The following CCDC148 variants were observed in gnomAD, a reference collection of about 807,000 sequenced individuals.
CCDC148 encodes the protein coiled-coil domain-containing protein 148.
In CCDC148, 89 loss-of-function variants were observed where a neutral mutation model predicts 85.7. That is an observed-to-expected ratio of 1.04 (90% CI 0.87 to 1.24). The LOEUF is 1.24. Ranked by LOEUF, CCDC148 falls within the 50% of genes most tolerant of loss-of-function variation. The probability of loss-of-function intolerance (pLI) is 0.00; values close to 1 mark genes in which losing one functional copy is unlikely to be tolerated. For synonymous variants in CCDC148, 230 were observed against 213.9 expected, an observed-to-expected ratio of 1.08 and a Z score of -0.66; for missense variants, 692 against 671.7, an observed-to-expected ratio of 1.03 and a Z score of -0.33.
intron 1 of CCDC148, among the ~76,000 whole-genome samples, chr2:158,435,021 G>A (rs929032857): frequency 6.6e-5 from 10 of 152,156 alleles, no homozygotes; most frequent in East Asian, 1.9e-4. Flanking sequence ...TGAAAGTGAC[G>A]GGGAGAATGG....
At chr2:158,209,940 G>T (rs962161743) in intron 11 of CCDC148, among the ~76,000 whole-genome samples, 3 of 137,026 alleles carry the variant, frequency 2.2e-5, no homozygotes, top group African/African-American at 6.1e-5. Flanking sequence ...CATAATGACA[G>T]GATCAAATTC....
intron 10 of CCDC148, among the ~76,000 whole-genome samples, chr2:158,234,766 C>T (rs1039603265): frequency 1.3e-5 from 2 of 152,014 alleles, no homozygotes; most frequent in Admixed American, 6.6e-5. Flanking sequence ...AGAAAAAAAT[C>T]TTGTTAAAAA....
chr2:158,229,573 C>T (rs1229523941), intron 10 of CCDC148, among the ~76,000 whole-genome samples: 6 of 152,174 alleles, frequency 3.9e-5, no homozygotes, highest in African/African-American at 1.4e-4. Context: ...AGCTCCATAC[C>T]TGCTGCTATT....
At chr2:158,252,952 C>A (rs1296301809) in intron 9 of CCDC148, among the ~76,000 whole-genome samples, 1 of 151,728 alleles carries the variant, frequency 6.6e-6, no homozygotes, top group African/African-American at 2.4e-5. Context: ...TCACATCAAA[C>A]CCTGTGCACC....
intron 9 of CCDC148, among the ~76,000 whole-genome samples, chr2:158,290,206 C>T (rs1261229253): frequency 6.6e-6 from 1 of 152,100 alleles, no homozygotes; most frequent in African/African-American, 2.4e-5. Context: ...CTGGGAGCAC[C>T]AAGACAAGCT....
At chr2:158,200,997 G>GC (rs1558976749) in intron 11 of CCDC148, among the ~76,000 whole-genome samples, 1 of 152,090 alleles carries the variant, frequency 6.6e-6, no homozygotes, top group Non-Finnish European at 1.5e-5. Context: ...CCTGGAATCA[G>GC]CCATTTGTTT....
intron 1 of CCDC148, among the ~76,000 whole-genome samples, chr2:158,433,091 A>AAAAAAAAAAAAAAAATATATATATAT (rs1553521585): frequency 1.9e-5 from 1 of 51,314 alleles, no homozygotes; most frequent in African/African-American, 5.5e-5. Context: ...AAAAAAAAAA[A>AAAAAAAAAAAAAAAATATATATATAT]ATATATATAT....
chr2:158,381,961 G>A (rs1016999423), intron 1 of CCDC148, among the ~76,000 whole-genome samples: 1 of 152,126 alleles, frequency 6.6e-6, no homozygotes, highest in Non-Finnish European at 1.5e-5. Flanking sequence ...TCCCCAACGT[G>A]TCTGTATTAA....
intron 9 of CCDC148, among the ~76,000 whole-genome samples, chr2:158,292,989 T>C (rs1258269981): frequency 1.3e-5 from 2 of 152,190 alleles, no homozygotes; most frequent in African/African-American, 4.8e-5. Context: ...TGAGTACCCA[T>C]TATGGATCAG....
intron 1 of CCDC148, among the ~76,000 whole-genome samples, chr2:158,367,275 C>A (rs1432580717): frequency 1.3e-5 from 2 of 152,142 alleles, no homozygotes; most frequent in Admixed American, 1.3e-4. Context: ...TAAATCTATG[C>A]TGGTTTGTTA....
intron 1 of CCDC148, among the ~76,000 whole-genome samples, chr2:158,405,548 T>C (rs796726368): frequency 2.7e-4 from 39 of 145,412 alleles, no homozygotes; most frequent in African/African-American, 8.9e-4. Flanking sequence ...TTTCGCTGAA[T>C]TTGCAAAAGA....
At chr2:158,342,075 GC>G (rs1211641473) in intron 3 of CCDC148, among the ~76,000 whole-genome samples, 2 of 140,406 alleles carry the variant, frequency 1.4e-5, no homozygotes, top group Non-Finnish European at 3.0e-5. Context: ...GGTCGCCCGG[GC>G]TGAAGTGCAA....
In CCDC148 at chr2:158,223,795, A is replaced by G. The variant is rs749862921; in HGVS notation, c.1252-3082T>C. 3.7e-4 allele frequency among the ~76,000 whole-genome samples: 57 copies of G among 152,330 alleles called. 1 individual carries two copies. Among genetic ancestry groups the G allele is most frequent in the South Asian group, 1.5e-3 (7 of 4,826 alleles). On this transcript the variant is annotated intron_variant, in intron 10 of 13. Transcript: ENST00000283233. Reference sequence around the variant, plus strand: ...GAAGGAAAACTAACAAACAGAAAAGACATCCAAAGCAAAACCCCATCTGTA... The same window carrying G: ...GAAGGAAAACTAACAAACAGAAAAGGCATCCAAAGCAAAACCCCATCTGTA...
At chr2:158,345,385 T>C in intron 2 of CCDC148, 67 bp from the exon 3 acceptor site, 4 of 1,033,460 alleles carry the variant, frequency 3.9e-6, no homozygotes, top group Non-Finnish European at 5.8e-6. Context: ...ACAACAGAAA[T>C]GCTTAATCTG....
At chr2:158,396,592 C>A (rs535877632) in intron 1 of CCDC148, among the ~76,000 whole-genome samples, 2 of 152,150 alleles carry the variant, frequency 1.3e-5, no homozygotes, top group Admixed American at 1.3e-4. Context: ...CTTTGAATAC[C>A]GATTCTCCAT....
At chr2:158,349,472 G>C (rs1015740872) in intron 2 of CCDC148, among the ~76,000 whole-genome samples, 1 of 151,720 alleles carries the variant, frequency 6.6e-6, no homozygotes, top group Non-Finnish European at 1.5e-5. Context: ...GAAAGAATAA[G>C]AGAGATACTA....
At chr2:158,295,848 C>G (rs886875652) in intron 9 of CCDC148, among the ~76,000 whole-genome samples, 3 of 151,346 alleles carry the variant, frequency 2.0e-5, no homozygotes, top group Non-Finnish European at 4.4e-5. Context: ...CACTCCTATT[C>G]AACATAGTGT....
At chr2:158,369,012 A>G (rs1387147983) in intron 1 of CCDC148, among the ~76,000 whole-genome samples, 1 of 152,104 alleles carries the variant, frequency 6.6e-6, no homozygotes, top group East Asian at 1.9e-4. Context: ...TATGGATAGC[A>G]TTTAAACTCT....
chr2:158,343,136 C>T (rs1007961792), intron 3 of CCDC148, among the ~76,000 whole-genome samples: 1 of 152,192 alleles, frequency 6.6e-6, no homozygotes, highest in South Asian at 2.1e-4. Context: ...CCTCCTGCCT[C>T]AGCCTCCCAC....
Sources: gnomAD v4.1 joint callset for allele counts (sites outside exome capture counted in the v4.1 genomes callset) on GRCh38, gnomAD v4.1.1 for gene constraint, MANE v1.5 for transcripts, NCBI Gene and HGNC (gene_info 2026-07-23, HGNC 2026-07-21) for gene names.